The following MMD variants were observed in gnomAD, a reference collection of about 807,000 sequenced individuals.
The protein encoded by MMD is monocyte to macrophage differentiation associated.
A neutral mutation model predicts 33.6 loss-of-function variants in MMD; 22 were observed. That is an observed-to-expected ratio of 0.66 (90% CI 0.47 to 0.94). The LOEUF (loss-of-function observed/expected upper bound fraction) is 0.94, where lower values mean the gene tolerates loss of function less well. MMD is among the 40% of genes least tolerant of loss of function. The pLI, the probability that MMD is intolerant of heterozygous loss-of-function variation, is 0.00. For synonymous variants in MMD, 97 were observed against 103.2 expected, an observed-to-expected ratio of 0.94 and a Z score of 0.36; for missense variants, 242 against 309.8, an observed-to-expected ratio of 0.78 and a Z score of 1.64.
chr17:55,413,259 C>A (rs1436645983), intron 2 of MMD, among the ~76,000 whole-genome samples: 1 of 152,166 alleles, frequency 6.6e-6, no homozygotes, highest in Non-Finnish European at 1.5e-5. Flanking sequence ...GTTAAAGAAG[C>A]AAACTGGTCT....
At chr17:55,407,009 A>G (rs1907575421) in intron 4 of MMD, among the ~76,000 whole-genome samples, 1 of 151,876 alleles carries the variant, frequency 6.6e-6, no homozygotes, top group Non-Finnish European at 1.5e-5. Flanking sequence ...CCAGCCTGGG[A>G]GACAGAGTGA....
chr17:55,408,631 T>G (rs891687311), intron 3 of MMD, among the ~76,000 whole-genome samples: 2 of 152,176 alleles, frequency 1.3e-5, no homozygotes, highest in African/African-American at 4.8e-5. Flanking sequence ...GGAACGCTAG[T>G]ATTAGACTTT....
chr17:55,416,907 G>A (rs1907986872), intron 1 of MMD, among the ~76,000 whole-genome samples: 1 of 152,050 alleles, frequency 6.6e-6, no homozygotes, highest in East Asian at 1.9e-4. Context: ...CTACTAGTTA[G>A]GCAGAGTTTT....
intron 1 of MMD, among the ~76,000 whole-genome samples, chr17:55,416,658 T>C (rs769635256): frequency 6.6e-6 from 1 of 151,992 alleles, no homozygotes. Flanking sequence ...AAAACCTAAA[T>C]GGAAAAGCAG....
At chr17:55,411,879 C>A (rs1907779000) in intron 2 of MMD, among the ~76,000 whole-genome samples, 1 of 152,042 alleles carries the variant, frequency 6.6e-6, no homozygotes, top group Admixed American at 6.6e-5. Context: ...GAGTTCCAGA[C>A]CAGCCTGGGC....
At chr17:55,416,244 T>A (rs192065524) in intron 1 of MMD, among the ~76,000 whole-genome samples, 3 of 152,296 alleles carry the variant, frequency 2.0e-5, no homozygotes, top group South Asian at 2.1e-4. Flanking sequence ...GCAATTTATA[T>A]CTCTGGCAGC....
At chr17:55,409,847 C>T (rs1907693979) in intron 3 of MMD, among the ~76,000 whole-genome samples, 1 of 152,050 alleles carries the variant, frequency 6.6e-6, no homozygotes, top group African/African-American at 2.4e-5. Flanking sequence ...TAAATTGTGC[C>T]AAGAAGGTAA....
intron 2 of MMD, among the ~76,000 whole-genome samples, chr17:55,412,467 G>A (rs1416222323): frequency 6.6e-6 from 1 of 152,178 alleles, no homozygotes; most frequent in Non-Finnish European, 1.5e-5. Flanking sequence ...AAACTTTAAT[G>A]TCTAGTCATA....
intron 3 of MMD, among the ~76,000 whole-genome samples, chr17:55,409,667 A>C (rs1907687354): frequency 6.6e-6 from 1 of 151,116 alleles, no homozygotes; most frequent in African/African-American, 2.4e-5. Flanking sequence ...GAGGAGCAAA[A>C]ATCTACACAT....
intron 1 of MMD, among the ~76,000 whole-genome samples, chr17:55,419,910 T>TA (rs1198536656): frequency 6.6e-6 from 1 of 152,178 alleles, no homozygotes; most frequent in Non-Finnish European, 1.5e-5. Context: ...TTTAAGTGAA[T>TA]AATAGCGCAA....
chr17:55,404,171 A>G (rs1457877438), intron 4 of MMD, among the ~76,000 whole-genome samples: 3 of 152,124 alleles, frequency 2.0e-5, no homozygotes, highest in Non-Finnish European at 4.4e-5. Context: ...CCTGGCCAAC[A>G]TGGTGAAACC....
In MMD at chr17:55,417,440, C is replaced by T. The variant is rs147921237; in HGVS notation, c.27-3208G>A. Among the ~76,000 whole-genome samples the T allele has an allele frequency of 2.3e-3, 351 of 152,184 alleles. 1 individual carries two copies. The highest frequency in any genetic ancestry group is 8.3e-3 in the African/African-American group (345 of 41,522). On this transcript the variant is annotated intron_variant, in intron 1 of 6. Transcript: ENST00000262065. ...AATACAAAGTCTCTTAACTAGTCTT[C>T]CTGCTTGACCCAGTACAGACTCTCT...
chr17:55,411,412 G>A lies in MMD; in HGVS notation c.114C>T (p.Leu38=). 1 of 1,608,922 alleles carries A rather than the reference G, an allele frequency of 6.2e-7. No homozygotes were observed. The stretch of plus-strand genomic sequence containing the variant: ...CACTGCCCACGATGGCCGGAACAAT[G>A]AGGAACTGAGGGAAAGATAAAGAAT... ...HAANCYTHAF[L]IVPAIVGSAL... Residue 38 remains leucine, a synonymous_variant, in exon 3 of 7, where the codon CTC becomes CTT. Coordinates refer to ENST00000262065, the MANE Select transcript of MMD (RefSeq NM_012329.3).
intron 1 of MMD, among the ~76,000 whole-genome samples, chr17:55,417,473 A>G (rs1243380161): frequency 6.6e-6 from 1 of 152,086 alleles, no homozygotes; most frequent in East Asian, 1.9e-4. Flanking sequence ...TCTTCTTTAC[A>G]TAGCAGCTAC....
chr17:55,419,147 T>C (rs186211900), intron 1 of MMD, among the ~76,000 whole-genome samples: 7 of 152,380 alleles, frequency 4.6e-5, no homozygotes, highest in Admixed American at 4.6e-4. Flanking sequence ...ACTCTTCTAT[T>C]AAATGGGTAT....
chr17:55,408,115 T>A (rs776285427), intron 3 of MMD, among the ~76,000 whole-genome samples: 16 of 152,310 alleles, frequency 1.1e-4, no homozygotes, highest in South Asian at 2.1e-4. Flanking sequence ...ACAAACAAAA[T>A]CTGTCTTTTT....
chr17:55,411,219 T>C (rs760393564), intron 3 of MMD, 38 bp downstream of exon 3: 2 of 1,585,162 alleles, frequency 1.3e-6, no homozygotes, highest in Non-Finnish European at 1.7e-6. Context: ...TTGAGTCAAC[T>C]ATTTGGATCT....
intron 3 of MMD, 49 bp from the exon 4 acceptor site, chr17:55,407,869 G>A: frequency 7.4e-7 from 1 of 1,352,016 alleles, no homozygotes; most frequent in Non-Finnish European, 1.0e-6. Flanking sequence ...GTTCAGATGG[G>A]AAGTACGGGT....
intron 4 of MMD, among the ~76,000 whole-genome samples, chr17:55,405,024 T>C (rs1217517041): frequency 6.6e-6 from 1 of 151,378 alleles, no homozygotes; most frequent in Non-Finnish European, 1.5e-5. Flanking sequence ...ATCGCACCAC[T>C]GCACTCCAGC....
Sources: allele counts gnomAD v4.1 joint callset (sites outside exome capture counted in the v4.1 genomes callset), GRCh38; gene constraint gnomAD v4.1.1; transcripts MANE v1.5; gene names NCBI Gene and HGNC (gene_info 2026-07-23, HGNC 2026-07-21).